PCDH15: variants seen among roughly 807,000 people sequenced by gnomAD.
PCDH15 encodes protocadherin related 15.
In PCDH15, 129 loss-of-function variants were observed where a neutral mutation model predicts 178.5. That is an observed-to-expected ratio of 0.72 (90% confidence interval 0.63 to 0.84). The LOEUF (loss-of-function observed/expected upper bound fraction) is 0.84, where lower values mean the gene tolerates loss of function less well. Among genes scored for constraint, PCDH15 ranks in the 40% least tolerant of loss-of-function variants. The pLI is 0.00. For synonymous variants in PCDH15, 800 were observed against 732.0 expected (o/e 1.09, Z -1.50); for missense variants, 2,230 against 2,099.9 (o/e 1.06, Z -1.21).
At chr10:54,475,381 G>A (rs969954235) in intron 3 of PCDH15, among the ~76,000 whole-genome samples, 1 of 151,794 alleles carries the variant, frequency 6.6e-6, no homozygotes, top group African/African-American at 2.4e-5. Flanking sequence ...GTATATGTTT[G>A]GAAAATTTAT....
chr10:53,925,437 C>T (rs1055538159), intron 25 of PCDH15, among the ~76,000 whole-genome samples: 4 of 152,194 alleles, frequency 2.6e-5, no homozygotes, highest in African/African-American at 9.7e-5. Context: ...AAGGAAAGAA[C>T]TCCAGACGCA....
At chr10:54,241,418 A>C (rs1044280948) in intron 8 of PCDH15, among the ~76,000 whole-genome samples, 1 of 152,200 alleles carries the variant, frequency 6.6e-6, no homozygotes, top group Admixed American at 6.5e-5. Context: ...TGCTATATTT[A>C]TCTTTTTGCC....
intron 8 of PCDH15, among the ~76,000 whole-genome samples, chr10:54,253,377 ACTAT>A (rs1048391117): frequency 4.6e-5 from 7 of 152,056 alleles, no homozygotes; most frequent in African/African-American, 1.2e-4. Flanking sequence ...TACTAATAGC[ACTAT>A]CTGTCACTGA....
At chr10:55,033,115 C>T (rs1840651145) in intron 2 of PCDH15, among the ~76,000 whole-genome samples, 1 of 152,140 alleles carries the variant, frequency 6.6e-6, no homozygotes, top group Admixed American at 6.5e-5. Flanking sequence ...TCAAGTGATA[C>T]CTCAGAGAGC....
intron 25 of PCDH15, among the ~76,000 whole-genome samples, chr10:53,918,176 C>A (rs554465134): frequency 1.2e-4 from 19 of 152,154 alleles, no homozygotes; most frequent in Non-Finnish European, 2.1e-4. Context: ...ATGGAAGGTG[C>A]GTTACTCTTT....
intron 2 of PCDH15, among the ~76,000 whole-genome samples, chr10:54,915,995 AT>A (rs1954895118): frequency 6.6e-6 from 1 of 152,034 alleles, no homozygotes; most frequent in Non-Finnish European, 1.5e-5. Context: ...TGCCTGGCTA[AT>A]TTTTGTATTT....
At chr10:55,537,548 GC>G (rs142956133) in intron 2 of PCDH15, among the ~76,000 whole-genome samples, 59,024 of 151,522 alleles carry the variant, frequency 0.39, 12,121 homozygotes, top group East Asian at 0.8. Flanking sequence ...CAATTCTCCT[GC>G]CTCAGCCTCC....
chr10:54,353,797 T>C lies in PCDH15; in HGVS notation c.475-7313A>G, dbSNP rs182149844. Among the ~76,000 whole-genome samples the C allele has an allele frequency of 5.9e-5, 9 of 152,226 alleles. No homozygotes were observed. The East Asian group carries it at 1.5e-3, about 26-fold the overall frequency. On this transcript the variant is annotated intron_variant, in intron 5 of 37. Transcript: ENST00000644397. ...TGATTCCATTTTTTATCACAAAGACTAGATGATTAATATTAAGGGTTACTT... is the reference window on the plus strand; with the variant it reads ...TGATTCCATTTTTTATCACAAAGACCAGATGATTAATATTAAGGGTTACTT...
At chr10:53,999,052 C>CAAA (rs33951115) in intron 20 of PCDH15, among the ~76,000 whole-genome samples, 44 of 92,496 alleles carry the variant, frequency 4.8e-4, no homozygotes, top group African/African-American at 1.9e-3. Flanking sequence ...TACTCAGTCT[C>CAAA]AAAAAAAAAA....
intron 2 of PCDH15, among the ~76,000 whole-genome samples, chr10:55,535,885 C>A (rs1246770659): frequency 6.6e-6 from 1 of 151,998 alleles, no homozygotes; most frequent in Admixed American, 6.6e-5. Context: ...TATTAAAATT[C>A]ATCAGACCAT....
At position 55,172,634 on chromosome 10, in the gene PCDH15, A is replaced by G. The variant is rs144622700; in HGVS notation, c.-155-5983T>C. On this transcript the variant is annotated intron_variant, in intron 1 of 5. Transcript: ENST00000458638. ...ATGAAATTATTTTTGGCATACTTCA[A>G]GAGTATGTATTTAGTCATTACATTT... Among the ~76,000 whole-genome samples the G allele has an allele frequency of 6.4e-3, 972 of 152,174 alleles. 16 individuals are homozygous for G. The highest frequency in any genetic ancestry group is 0.022 in the African/African-American group (934 of 41,550).
chr10:55,038,058 C>T (rs181512897), intron 2 of PCDH15, among the ~76,000 whole-genome samples: 1 of 152,236 alleles, frequency 6.6e-6, no homozygotes, highest in Admixed American at 6.5e-5. Context: ...AATCACTCCT[C>T]TGGATTTCAA....
intron 3 of PCDH15, among the ~76,000 whole-genome samples, chr10:54,860,486 CT>C (rs1189445003): frequency 4.6e-5 from 7 of 152,244 alleles, no homozygotes; most frequent in South Asian, 4.1e-4. Flanking sequence ...TGCTTTCATT[CT>C]TTTTTTATGG....
At chr10:55,134,922 T>G (rs1838148292) in intron 2 of PCDH15, among the ~76,000 whole-genome samples, 2 of 152,200 alleles carry the variant, frequency 1.3e-5, no homozygotes, top group African/African-American at 2.4e-5. Flanking sequence ...AAGATAGATT[T>G]GGTGTGTTTA....
chr10:54,189,925 A>ATGTGTGTGTGTG (rs57024579), intron 11 of PCDH15, among the ~76,000 whole-genome samples: 11 of 141,470 alleles, frequency 7.8e-5, no homozygotes, highest in Non-Finnish European at 9.2e-5. Context: ...ATGCATGTGT[A>ATGTGTGTGTGTG]TGTGTGTGTG....
At chr10:55,349,029 G>A (rs1274748995) in intron 2 of PCDH15, among the ~76,000 whole-genome samples, 1 of 152,132 alleles carries the variant, frequency 6.6e-6, no homozygotes, top group Non-Finnish European at 1.5e-5. Context: ...CAGGAGTCTA[G>A]GTGACAGATT....
intron 10 of PCDH15, among the ~76,000 whole-genome samples, chr10:54,211,354 A>C (rs1444162429): frequency 6.6e-6 from 1 of 152,186 alleles, no homozygotes; most frequent in East Asian, 1.9e-4. Context: ...ATCACATTTT[A>C]AAGTATGCTT....
rs139156952 is a variant in PCDH15, at chr10:54,137,253, A to C, written c.1785-4246T>G. ...CATAAAACTGAGCATCTATATAAGA[A>C]AAATTTTATTTTTGTAATATAGCCA... On this transcript the variant is annotated intron_variant, in intron 14 of 37. Coordinates refer to ENST00000644397, the MANE Select transcript of PCDH15 (RefSeq NM_001384140.1). Among the ~76,000 whole-genome samples the C allele has an allele frequency of 3.6e-3, 553 of 152,288 alleles. 5 individuals are homozygous for C. Among genetic ancestry groups the C allele is most frequent in the Middle Eastern group, 0.02 (6 of 294 alleles).
At chr10:53,930,838 A>G (rs2084998890) in intron 25 of PCDH15, among the ~76,000 whole-genome samples, 1 of 152,168 alleles carries the variant, frequency 6.6e-6, no homozygotes, top group South Asian at 2.1e-4. Context: ...TCAACACCCG[A>G]TTAAAGCCTT....
Sources: allele counts gnomAD v4.1 joint callset (sites outside exome capture counted in the v4.1 genomes callset), GRCh38; gene constraint gnomAD v4.1.1; transcripts MANE v1.5; gene names NCBI Gene and HGNC (gene_info 2026-07-23, HGNC 2026-07-21).